The following TSPAN7 variants were observed in gnomAD, a reference collection of about 807,000 sequenced individuals.
TSPAN7 encodes the protein tetraspanin 7, also known as tetraspanin-7.
TSPAN7 carries 1 observed loss-of-function variant against 17.6 expected under a neutral mutation model. The ratio of observed to expected loss-of-function variants is 0.06; its 90% CI spans 0.02 to 0.27. The LOEUF (loss-of-function observed/expected upper bound fraction) is 0.27, where lower values mean the gene tolerates loss of function less well. Among genes scored for constraint, TSPAN7 ranks in the 10% least tolerant of loss-of-function variants. TSPAN7 has a pLI of 1.00. For missense variants in TSPAN7, 112 were observed against 201.7 expected (o/e 0.56, Z 2.69); for synonymous variants, 78 against 79.0 (o/e 0.99, Z 0.07).
At chrX:38,627,353 C>T (rs2069527831) in intron 1 of TSPAN7, among the ~76,000 whole-genome samples, 1 of 111,644 alleles carries the variant, frequency 9.0e-6, no homozygotes, top group Admixed American at 9.5e-5. Flanking sequence ...TGGCAGTGGG[C>T]ACTCCGAGCC....
intron 1 of TSPAN7, among the ~76,000 whole-genome samples, chrX:38,583,562 G>T (rs2069239029): frequency 8.9e-6 from 1 of 112,112 alleles, no homozygotes; most frequent in Non-Finnish European, 1.9e-5. Context: ...CAATAAACAA[G>T]AAAATAAATA....
At chrX:38,622,869 T>C (rs928381445) in intron 1 of TSPAN7, 4 of 329,563 alleles carry the variant, frequency 1.2e-5, no homozygotes, top group African/African-American at 1.1e-4. Flanking sequence ...ATGCAAATAT[T>C]AGTTGTGTGT....
chrX:38,605,154 GA>G (rs2069371490), intron 1 of TSPAN7, among the ~76,000 whole-genome samples: 1 of 109,477 alleles, frequency 9.1e-6, no homozygotes, highest in Non-Finnish European at 1.9e-5. Flanking sequence ...TGTATATCTA[GA>G]AAACCCCATT....
chrX:38,662,158 C>A (rs989434561), intron 1 of TSPAN7, among the ~76,000 whole-genome samples: 130 of 111,558 alleles, frequency 1.2e-3, no homozygotes, highest in African/African-American at 4.0e-3. Context: ...CCACCACCAA[C>A]CACTACTACC....
chrX:38,616,215 CACA>C (rs2069454919), intron 1 of TSPAN7, among the ~76,000 whole-genome samples: 1 of 112,027 alleles, frequency 8.9e-6, no homozygotes, highest in Non-Finnish European at 1.9e-5. Context: ...ACCAAAGCCT[CACA>C]ACAACTCTGT....
chrX:38,670,416 A>G (rs1470898088), intron 2 of TSPAN7, among the ~76,000 whole-genome samples: 1 of 112,406 alleles, frequency 8.9e-6, no homozygotes, highest in East Asian at 2.8e-4. Context: ...ATGCACATGC[A>G]AAAAACTTGA....
intron 1 of TSPAN7, among the ~76,000 whole-genome samples, chrX:38,565,312 C>G (rs760373855): frequency 8.9e-6 from 1 of 112,009 alleles, no homozygotes; most frequent in Non-Finnish European, 1.9e-5. Flanking sequence ...TCACTGCAAC[C>G]TCCGCCTCCT....
At chrX:38,624,276 T>G (rs991239622) in intron 1 of TSPAN7, among the ~76,000 whole-genome samples, 7 of 111,413 alleles carry the variant, frequency 6.3e-5, no homozygotes, top group Admixed American at 5.7e-4. Flanking sequence ...CAAAATGTTG[T>G]TATTTAAAGC....
chrX:38,595,005 A>C (rs2069311136), intron 1 of TSPAN7, among the ~76,000 whole-genome samples: 1 of 111,369 alleles, frequency 9.0e-6, no homozygotes, highest in African/African-American at 3.3e-5. Context: ...TAACTGTATC[A>C]TAGTTAACCA....
chrX:38,635,133 T>C (rs776831041), intron 1 of TSPAN7, among the ~76,000 whole-genome samples: 30 of 111,234 alleles, frequency 2.7e-4, no homozygotes, highest in South Asian at 3.9e-4. Context: ...TCTCTCTCTC[T>C]CTCTTTAATC....
intron 1 of TSPAN7, among the ~76,000 whole-genome samples, chrX:38,653,290 A>G (rs1303709859): frequency 1.8e-5 from 2 of 111,612 alleles, no homozygotes; most frequent in African/African-American, 6.5e-5. Context: ...TGAACAGCCA[A>G]TCAAATCCCC....
At chrX:38,592,777 C>T (rs2069299033) in intron 1 of TSPAN7, among the ~76,000 whole-genome samples, 1 of 110,370 alleles carries the variant, frequency 9.1e-6, no homozygotes, top group African/African-American at 3.3e-5. Flanking sequence ...GGTACCACCA[C>T]ACTCCATTGT....
Position 38,649,363 on chromosome X carries a change from G to A in TSPAN7, c.82-16758G>A, listed in dbSNP as rs1256679810. 4.4e-5 allele frequency among the ~76,000 whole-genome samples: 5 copies of A among 112,454 alleles called. No homozygotes were observed. The Admixed American group carries it at 4.7e-4, about 11-fold the overall frequency. The stretch of plus-strand genomic sequence containing the variant: ...CCAAAGGATCCTGCCAATGCCATTG[G>A]ATCATTTAAGAGAGACCTACTTTGA... On this transcript the variant is annotated intron_variant, in intron 1 of 7. Coordinates refer to ENST00000378482, the MANE Select transcript of TSPAN7 (RefSeq NM_004615.4).
intron 1 of TSPAN7, among the ~76,000 whole-genome samples, chrX:38,575,796 G>C (rs1384020436): frequency 8.9e-6 from 1 of 112,078 alleles, no homozygotes; most frequent in Non-Finnish European, 1.9e-5. Context: ...AACAGTTGTA[G>C]TGGGATAAAA....
chrX:38,569,214 G>A (rs946757037), intron 1 of TSPAN7, among the ~76,000 whole-genome samples: 1 of 111,143 alleles, frequency 9.0e-6, no homozygotes, highest in Non-Finnish European at 1.9e-5. Flanking sequence ...GGGCAGTTGA[G>A]TTTTAGGACC....
chrX:38,643,074 T>C (rs995607281), intron 1 of TSPAN7, among the ~76,000 whole-genome samples: 1 of 110,297 alleles, frequency 9.1e-6, no homozygotes, highest in African/African-American at 3.3e-5. Flanking sequence ...TCCAGGCAGA[T>C]GATGAGGAAA....
chrX:38,624,255 C>T (rs2069507601), intron 1 of TSPAN7, among the ~76,000 whole-genome samples: 1 of 111,246 alleles, frequency 9.0e-6, no homozygotes, highest in African/African-American at 3.3e-5. Context: ...TATGGCCCCC[C>T]CACCAGCCAT....
chrX:38,638,889 A>G (rs758212952), intron 1 of TSPAN7, among the ~76,000 whole-genome samples: 2 of 111,745 alleles, frequency 1.8e-5, no homozygotes, highest in East Asian at 5.6e-4. Flanking sequence ...TCTGGAATGC[A>G]GGGGTTTAAG....
chrX:38,646,340 T>G (rs1320460302), intron 1 of TSPAN7: 1 of 1,139,204 alleles, frequency 8.8e-7, no homozygotes, highest in East Asian at 3.3e-5. Flanking sequence ...CAGGGTTGGC[T>G]CCTACAAATA....
Sources: gnomAD v4.1 joint callset for allele counts (sites outside exome capture counted in the v4.1 genomes callset) on GRCh38, gnomAD v4.1.1 for gene constraint, MANE v1.5 for transcripts, NCBI Gene and HGNC (gene_info 2026-07-23, HGNC 2026-07-21) for gene names.